The following CSMD1 variants were observed in gnomAD, a reference collection of about 807,000 sequenced individuals.
CSMD1 encodes CUB and Sushi multiple domains 1, also known as CUB and sushi domain-containing protein 1.
CSMD1 carries 213 observed loss-of-function variants against 417.5 expected under a neutral mutation model. The ratio of observed to expected loss-of-function variants is 0.51; its 90% confidence interval spans 0.46 to 0.57. The LOEUF (loss-of-function observed/expected upper bound fraction) is 0.57, where lower values mean the gene tolerates loss of function less well. Among genes scored for constraint, CSMD1 ranks in the 20% least tolerant of loss-of-function variants. The pLI, the probability that CSMD1 is intolerant of heterozygous loss-of-function variation, is 0.00. For missense variants in CSMD1, 6,923 were observed against 4,529.7 expected, an observed-to-expected ratio of 1.53 and a Z score of -15.17; for synonymous variants, 2,862 against 1,736.8, an observed-to-expected ratio of 1.65 and a Z score of -16.11.
At chr8:4,179,604 T>C (rs1371144824) in intron 3 of CSMD1, among the ~76,000 whole-genome samples, 7 of 151,890 alleles carry the variant, frequency 4.6e-5, no homozygotes, top group Non-Finnish European at 1.0e-4. Flanking sequence ...ATAGAGCTTC[T>C]GCACAGCAAA....
intron 3 of CSMD1, among the ~76,000 whole-genome samples, chr8:4,169,581 A>G (rs1257849939): frequency 2.0e-5 from 3 of 152,066 alleles, no homozygotes; most frequent in Non-Finnish European, 4.4e-5. Context: ...TCTTCTCAAC[A>G]CAGGCATTAG....
chr8:4,169,789 G>GT (rs1797663830), intron 3 of CSMD1, among the ~76,000 whole-genome samples: 1 of 152,052 alleles, frequency 6.6e-6, no homozygotes, highest in Non-Finnish European at 1.5e-5. Flanking sequence ...ACCGTTAAAC[G>GT]TATCTTCCTT....
chr8:4,454,648 T>C (rs970807679), intron 2 of CSMD1, among the ~76,000 whole-genome samples: 2 of 152,166 alleles, frequency 1.3e-5, no homozygotes, highest in African/African-American at 4.8e-5. Context: ...AAGGCTTCAG[T>C]GCAGCCTTCC....
intron 2 of CSMD1, among the ~76,000 whole-genome samples, chr8:4,496,421 A>T (rs1388152943): frequency 6.6e-6 from 1 of 152,186 alleles, no homozygotes; most frequent in Non-Finnish European, 1.5e-5. Flanking sequence ...GCCATCTCAG[A>T]AAGAAAACAT....
intron 5 of CSMD1, among the ~76,000 whole-genome samples, chr8:3,951,855 C>T (rs143472181): frequency 2.4e-3 from 359 of 151,772 alleles, no homozygotes; most frequent in African/African-American, 8.3e-3. Flanking sequence ...AAATTAAATA[C>T]ATAACTTGCA....
chr8:3,613,383 G>A (rs946519825), intron 8 of CSMD1: 1 of 249,112 alleles, frequency 4.0e-6, no homozygotes, highest in Admixed American at 5.2e-5. Flanking sequence ...TGGTATTCCA[G>A]AGAAGAGAAC....
chr8:3,288,119 T>A (rs1470282974), intron 25 of CSMD1, among the ~76,000 whole-genome samples: 2 of 147,542 alleles, frequency 1.4e-5, no homozygotes, highest in African/African-American at 5.4e-5. Context: ...CGATTTTCAT[T>A]TGTTGAACAA....
chr8:4,458,374 T>G (rs1799613697), intron 2 of CSMD1, among the ~76,000 whole-genome samples: 1 of 152,200 alleles, frequency 6.6e-6, no homozygotes, highest in African/African-American at 2.4e-5. Flanking sequence ...AATTAATTTA[T>G]AAACCTAAAG....
intron 2 of CSMD1, among the ~76,000 whole-genome samples, chr8:4,461,191 C>G (rs1799795674): frequency 6.6e-6 from 1 of 151,950 alleles, no homozygotes; most frequent in African/African-American, 2.4e-5. Context: ...ATTCAACATT[C>G]TTTGATGATA....
intron 12 of CSMD1, among the ~76,000 whole-genome samples, chr8:3,439,162 A>AAAAAAAAAAAAAAAAAG (rs1814783236): frequency 7.0e-6 from 1 of 142,508 alleles, no homozygotes; most frequent in African/African-American, 2.6e-5. Flanking sequence ...ACCAAGAAAA[A>AAAAAAAAAAAAAAAAAG]AAAAAGAAAA....
At chr8:3,820,044 C>G (rs1028352055) in intron 5 of CSMD1, among the ~76,000 whole-genome samples, 2 of 152,204 alleles carry the variant, frequency 1.3e-5, no homozygotes, top group Non-Finnish European at 2.9e-5. Context: ...ATAGAAAAAT[C>G]TCATTCGAGT....
At chr8:3,923,072 G>C (rs943445915) in intron 5 of CSMD1, among the ~76,000 whole-genome samples, 3 of 152,074 alleles carry the variant, frequency 2.0e-5, no homozygotes, top group African/African-American at 7.2e-5. Context: ...TGTGTTCCTG[G>C]AGCCCAGTTG....
chr8:3,363,258 T>C (rs778995403), intron 20 of CSMD1, among the ~76,000 whole-genome samples: 2 of 152,128 alleles, frequency 1.3e-5, no homozygotes, highest in Non-Finnish European at 2.9e-5. Flanking sequence ...CTGTCCCAGG[T>C]ACTCATGACT....
chr8:3,602,135 G>T (rs549919211), intron 8 of CSMD1, among the ~76,000 whole-genome samples: 1 of 152,152 alleles, frequency 6.6e-6, no homozygotes, highest in Non-Finnish European at 1.5e-5. Flanking sequence ...AAATGGTCAG[G>T]ATGCTAAATT....
intron 5 of CSMD1, among the ~76,000 whole-genome samples, chr8:3,937,444 A>G (rs1810575366): frequency 6.6e-6 from 1 of 152,170 alleles, no homozygotes; most frequent in Non-Finnish European, 1.5e-5. Flanking sequence ...CACCCTGATC[A>G]CTGATCATCC....
intron 2 of CSMD1, among the ~76,000 whole-genome samples, chr8:4,565,916 G>A (rs1347072843): frequency 6.6e-5 from 10 of 150,594 alleles, no homozygotes; most frequent in Non-Finnish European, 1.5e-4. Context: ...TAATGTTTTT[G>A]TTTCAATGAG....
At chr8:3,590,656 C>T (rs1219732884) in intron 8 of CSMD1, among the ~76,000 whole-genome samples, 3 of 152,182 alleles carry the variant, frequency 2.0e-5, no homozygotes, top group African/African-American at 7.2e-5. Flanking sequence ...GGAAGCTTCT[C>T]TAATTTCAAA....
chr8:4,345,116 T>C (rs974087740), intron 3 of CSMD1, among the ~76,000 whole-genome samples: 9 of 152,128 alleles, frequency 5.9e-5, no homozygotes, highest in African/African-American at 2.2e-4. Context: ...CAAGGGGAGC[T>C]AAACCTGTCA....
chr8:4,707,566 C>G (rs1205765938), intron 1 of CSMD1, among the ~76,000 whole-genome samples: 3 of 151,978 alleles, frequency 2.0e-5, no homozygotes, highest in Non-Finnish European at 4.4e-5. Flanking sequence ...ACTAAATTCC[C>G]AGGTTTTTAC....
Sources: gnomAD v4.1 joint callset for allele counts (sites outside exome capture counted in the v4.1 genomes callset) on GRCh38, gnomAD v4.1.1 for gene constraint, MANE v1.5 for transcripts, NCBI Gene and HGNC (gene_info 2026-07-23, HGNC 2026-07-21) for gene names.